PCDHA8: variants seen among roughly 807,000 people sequenced by gnomAD.
The protein encoded by PCDHA8 is protocadherin alpha-8.
In PCDHA8, 53 loss-of-function variants were observed where a neutral mutation model predicts 61.8. The ratio of observed to expected loss-of-function variants is 0.86; its 90% CI spans 0.69 to 1.08. The LOEUF is 1.08. Among genes scored for constraint, PCDHA8 ranks in the 50% least tolerant of loss-of-function variants. PCDHA8 has a pLI of 0.00. For synonymous variants in PCDHA8, 618 were observed against 556.6 expected, an observed-to-expected ratio of 1.11 and a Z score of -1.55; for missense variants, 1,293 against 1,245.0, an observed-to-expected ratio of 1.04 and a Z score of -0.58.
chr5:140,966,499 A>AGCG (rs1178498918), intron 1 of PCDHA8: 4 of 431,834 alleles, frequency 9.3e-6, no homozygotes, highest in Non-Finnish European at 1.6e-5. Flanking sequence ...CTGGAGCTGT[A>AGCG]GCGGCAGCAG....
At chr5:140,995,682 T>A (rs566340825) in intron 3 of PCDHA8, among the ~76,000 whole-genome samples, 28 of 152,312 alleles carry the variant, frequency 1.8e-4, no homozygotes, top group East Asian at 9.6e-4. Context: ...GCATTTTTTT[T>A]AATTGTTAAA....
intron 1 of PCDHA8, among the ~76,000 whole-genome samples, chr5:140,909,492 C>T (rs955748526): frequency 4.6e-5 from 7 of 152,160 alleles, no homozygotes; most frequent in East Asian, 3.9e-4. Context: ...GAGAGCTGAA[C>T]GGGGATGTGG....
intron 3 of PCDHA8, among the ~76,000 whole-genome samples, chr5:140,985,932 G>A (rs1554247524): frequency 6.6e-6 from 1 of 151,798 alleles, no homozygotes; most frequent in African/African-American, 2.4e-5. Flanking sequence ...GTAGAGCCGG[G>A]GTTTCACTGT....
At position 140,848,511 on chromosome 5, in the gene PCDHA8, C is replaced by A. The variant is rs1554142145; in HGVS notation, c.2394+4796C>A. On this transcript the variant is annotated intron_variant, in intron 1 of 3. Transcript: ENST00000531613. ...AGTATTTGAAATGTTATACTCAAGT[C>A]GAGGAGATCCAGAGGGTCAGCCTCT... is the stretch of plus-strand genomic sequence containing the variant. 3 of 1,589,608 alleles carry A rather than the reference C, an allele frequency of 1.9e-6. No individual in the cohort carries two copies. The Admixed American group carries it at 5.1e-5, about 27-fold the overall frequency.
intron 1 of PCDHA8, chr5:140,927,429 C>T: frequency 6.2e-7 from 1 of 1,614,118 alleles, no homozygotes; most frequent in Non-Finnish European, 8.5e-7. Flanking sequence ...GGGTTGACGG[C>T]AGCGAATACC....
chr5:140,848,969 C>G (rs2150427245), intron 1 of PCDHA8: 31 of 1,604,278 alleles, frequency 1.9e-5, no homozygotes, highest in Non-Finnish European at 2.6e-5. Context: ...AGGGCGCGTC[C>G]GATGCAGATA....
chr5:140,909,493 G>A (rs989826667), intron 1 of PCDHA8, among the ~76,000 whole-genome samples: 2 of 152,184 alleles, frequency 1.3e-5, no homozygotes, highest in African/African-American at 4.8e-5. Context: ...AGAGCTGAAC[G>A]GGGATGTGGT....
In PCDHA8 at chr5:140,845,842, G is replaced by A. The variant is rs2150381678; in HGVS notation, c.2394+2127G>A. On this transcript the variant is annotated intron_variant, in intron 1 of 3. Coordinates refer to ENST00000531613, the MANE Select transcript of PCDHA8 (RefSeq NM_018911.3). ...AATTTAGTTATTACCATTCTTAAGA[G>A]AAAAGAAGTTAGTGATTGCAGAAAG... Among the ~76,000 whole-genome samples the A allele has an allele frequency of 1.1e-4, 17 of 149,848 alleles. 1 individual carries two copies. Among genetic ancestry groups the A allele is most frequent in the African/African-American group, 4.1e-4 (17 of 40,984 alleles).
At chr5:140,883,343 A>G in intron 1 of PCDHA8, 1 of 1,614,142 alleles carries the variant, frequency 6.2e-7, no homozygotes, top group Non-Finnish European at 8.5e-7. Context: ...GTCACTCCCC[A>G]TCAGAGAAGA....
intron 1 of PCDHA8, chr5:140,876,435 C>A (rs1380633697): frequency 1.9e-6 from 3 of 1,613,852 alleles, no homozygotes; most frequent in Non-Finnish European, 1.7e-6. Context: ...TTCAGGTTAA[C>A]GCCATTGATA....
chr5:140,857,687 A>C, intron 1 of PCDHA8: 1 of 1,597,130 alleles, frequency 6.3e-7, no homozygotes, highest in South Asian at 1.1e-5. Context: ...TCTGGGCAGC[A>C]ACTTGACGCT....
chr5:140,917,151 G>A (rs974449842), intron 1 of PCDHA8, among the ~76,000 whole-genome samples: 1 of 152,160 alleles, frequency 6.6e-6, no homozygotes, highest in Non-Finnish European at 1.5e-5. Flanking sequence ...TGCTGCTGGG[G>A]GATATGGGAG....
At chr5:140,862,329 T>C (rs1305735393) in intron 1 of PCDHA8, 1 of 327,554 alleles carries the variant, frequency 3.1e-6, no homozygotes, top group Non-Finnish European at 6.0e-6. Context: ...ATCAGTGTAA[T>C]TGACCCTAAC....
chr5:140,962,708 A>G (rs982426662), intron 1 of PCDHA8, among the ~76,000 whole-genome samples: 1 of 152,240 alleles, frequency 6.6e-6, no homozygotes, highest in African/African-American at 2.4e-5. Context: ...CTATAATCAT[A>G]TTGGAAAGTA....
intron 1 of PCDHA8, chr5:140,927,089 T>G: frequency 6.2e-7 from 1 of 1,612,460 alleles, no homozygotes; most frequent in Non-Finnish European, 8.5e-7. Flanking sequence ...GAGCTCTACT[T>G]CGGGGTGGAT....
intron 1 of PCDHA8, among the ~76,000 whole-genome samples, chr5:140,937,911 CA>C (rs200797202): frequency 0.5 from 59,181 of 117,836 alleles, 12,230 homozygotes; most frequent in African/African-American, 0.63. Flanking sequence ...GACTCCGTCT[CA>C]AAAAAAAAAA....
In PCDHA8 at chr5:140,887,347, C is replaced by T. The variant is rs568939189; in HGVS notation, c.2394+43632C>T. Among the ~76,000 whole-genome samples the T allele has an allele frequency of 4.6e-5, 7 of 152,202 alleles. No homozygotes were observed. In the South Asian group the frequency reaches 6.2e-4, roughly 14 times the overall value. On this transcript the variant is annotated intron_variant, in intron 1 of 3. Coordinates refer to ENST00000531613, the MANE Select transcript of PCDHA8 (RefSeq NM_018911.3). ...TCCTGACCTCGTGATCCACCTGGCT[C>T]GGCCTCCCAAAGTGCTGGGATTACA...
At chr5:140,871,077 G>GACGGCC (rs782552854) in intron 1 of PCDHA8, 6 of 1,613,222 alleles carry the variant, frequency 3.7e-6, no homozygotes, top group Non-Finnish European at 5.1e-6. Context: ...AGCCGGCGCT[G>GACGGCC]ACGGCCACGG....
intron 1 of PCDHA8, chr5:140,858,026 G>A (rs2045118018): frequency 6.3e-7 from 1 of 1,597,020 alleles, no homozygotes; most frequent in Non-Finnish European, 8.6e-7. Context: ...GTCGCTGACG[G>A]CCACGGCCAC....
Sources: allele counts gnomAD v4.1 joint callset (sites outside exome capture counted in the v4.1 genomes callset), GRCh38; gene constraint gnomAD v4.1.1; transcripts MANE v1.5; gene names NCBI Gene and HGNC (gene_info 2026-07-23, HGNC 2026-07-21).